The following FAM174A variants were observed in gnomAD, a reference collection of about 807,000 sequenced individuals.
FAM174A encodes the protein family with sequence similarity 174 member A, also known as membrane protein FAM174A.
A neutral mutation model predicts 14.3 loss-of-function variants in FAM174A; 14 were observed. The observed-to-expected ratio is 0.98, with a 90% CI of 0.65 to 1.53. The LOEUF (loss-of-function observed/expected upper bound fraction) is 1.53. FAM174A is among the 40% of genes most tolerant of loss of function. FAM174A has a pLI of 0.00. For missense variants in FAM174A, 241 were observed against 249.6 expected (o/e 0.97, Z 0.23); for synonymous variants, 108 against 111.4 (o/e 0.97, Z 0.19).
rs372584492 is a variant in FAM174A at position 100,562,043 on chromosome 5, C to T, written c.435-11C>T. ...AATAATTTTTATTCATTAATTTGTTCTATTTGATAGGATGAGAAGAAGAAA... is the reference window on the plus strand; with the variant it reads ...AATAATTTTTATTCATTAATTTGTTTTATTTGATAGGATGAGAAGAAGAAA... On this transcript the variant is annotated splice_polypyrimidine_tract_variant and intron_variant, in intron 1 of 2. Transcript: ENST00000312637. The T allele has an allele frequency of 8.1e-6, 12 of 1,480,338 alleles. No homozygotes were observed. The highest frequency in any genetic ancestry group is 1.3e-5 in the South Asian group (1 of 78,320). 91.7% of individuals were successfully genotyped at this position (1,480,338 alleles called of 1,614,324 possible).
rs1026346291 is a variant in FAM174A, at chr5:100,552,472, T to TA, written c.435-9572dup. ...TAATATTACCCTACAGATGCTTAGT[T>TA]AAAAAAAAAAGAAGAAGAGAAAAAA... On this transcript the variant is annotated intron_variant, in intron 1 of 2. Coordinates refer to ENST00000312637, the MANE Select transcript of FAM174A (RefSeq NM_198507.3). 4.1e-4 allele frequency among the ~76,000 whole-genome samples: 60 copies of TA among 147,328 alleles called. 1 individual carries two copies. Among genetic ancestry groups the TA allele is most frequent in the African/African-American group, 1.0e-3 (42 of 40,332 alleles).
At chr5:100,556,836 C>A (rs1580369049) in intron 1 of FAM174A, among the ~76,000 whole-genome samples, 1 of 152,030 alleles carries the variant, frequency 6.6e-6, no homozygotes, top group African/African-American at 2.4e-5. Flanking sequence ...CTTAAGGAGA[C>A]TTTGGGCTGA....
chr5:100,569,264 A>G (rs1746726005), intron 2 of FAM174A, among the ~76,000 whole-genome samples: 1 of 151,852 alleles, frequency 6.6e-6, no homozygotes, highest in Admixed American at 6.6e-5. Context: ...TCTATAAGTC[A>G]TGCCATATAT....
chr5:100,557,538 A>G (rs1284843659), intron 1 of FAM174A, among the ~76,000 whole-genome samples: 2 of 152,186 alleles, frequency 1.3e-5, no homozygotes, highest in Non-Finnish European at 2.9e-5. Flanking sequence ...TACCTCTGGT[A>G]GAATTCGGCT....
At chr5:100,581,031 C>T (rs995246756) in intron 2 of FAM174A, among the ~76,000 whole-genome samples, 1 of 152,092 alleles carries the variant, frequency 6.6e-6, no homozygotes, top group African/African-American at 2.4e-5. Flanking sequence ...CGGGTTCAAG[C>T]GATTCTTCTG....
chr5:100,552,135 G>T (rs1225541440), intron 1 of FAM174A, among the ~76,000 whole-genome samples: 1 of 152,050 alleles, frequency 6.6e-6, no homozygotes, highest in African/African-American at 2.4e-5. Context: ...TTGGTCAAAA[G>T]AATTTTTACT....
chr5:100,566,358 A>G (rs1447784811), intron 2 of FAM174A, among the ~76,000 whole-genome samples: 1 of 151,446 alleles, frequency 6.6e-6, no homozygotes, highest in Non-Finnish European at 1.5e-5. Flanking sequence ...CTAAATAGTC[A>G]AGCTTATAGT....
intron 1 of FAM174A, among the ~76,000 whole-genome samples, chr5:100,558,890 C>A (rs1422878874): frequency 6.6e-6 from 1 of 152,052 alleles, no homozygotes; most frequent in Non-Finnish European, 1.5e-5. Flanking sequence ...ACTCTTTATC[C>A]AATTTGCCAG....
At chr5:100,556,722 C>G (rs1286969299) in intron 1 of FAM174A, among the ~76,000 whole-genome samples, 2 of 152,136 alleles carry the variant, frequency 1.3e-5, no homozygotes, top group African/African-American at 4.8e-5. Flanking sequence ...TGGAAGTTCA[C>G]TCATGATTTG....
At chr5:100,573,932 A>G (rs943150041) in intron 2 of FAM174A, among the ~76,000 whole-genome samples, 1 of 152,074 alleles carries the variant, frequency 6.6e-6, no homozygotes, top group African/African-American at 2.4e-5. Context: ...CATATCTACA[A>G]CTATCTGATC....
chr5:100,546,367 G>A lies in FAM174A; in HGVS notation c.434+10403G>A, dbSNP rs1746164054. On this transcript the variant is annotated intron_variant, in intron 1 of 2. Coordinates refer to ENST00000312637, the MANE Select transcript of FAM174A (RefSeq NM_198507.3). The stretch of plus-strand genomic sequence containing the variant: ...TAGTCATGAGCCTACTATGGGAAGT[G>A]AGTAGGTACTATGTGTGGGGAGGCA... 2.0e-5 allele frequency among the ~76,000 whole-genome samples: 3 copies of A among 152,142 alleles called. No individual in the cohort carries two copies. In the South Asian group the frequency reaches 6.2e-4, roughly 32 times the overall value.
chr5:100,577,867 A>G (rs995754965), intron 2 of FAM174A, among the ~76,000 whole-genome samples: 1 of 152,104 alleles, frequency 6.6e-6, no homozygotes, highest in African/African-American at 2.4e-5. Context: ...TTTTCTGAAG[A>G]TTAAATTTGG....
chr5:100,551,284 C>G (rs1746257799), intron 1 of FAM174A, among the ~76,000 whole-genome samples: 1 of 152,156 alleles, frequency 6.6e-6, no homozygotes, highest in African/African-American at 2.4e-5. Context: ...CATCTTCCTG[C>G]TGTCACAGAT....
chr5:100,558,437 G>A (rs1378874044), intron 1 of FAM174A, among the ~76,000 whole-genome samples: 1 of 152,206 alleles, frequency 6.6e-6, no homozygotes. Context: ...GGAGAGTTCT[G>A]TAGATGTCTA....
At chr5:100,563,124 C>T (rs1746562091) in intron 2 of FAM174A, among the ~76,000 whole-genome samples, 1 of 151,826 alleles carries the variant, frequency 6.6e-6, no homozygotes, top group African/African-American at 2.4e-5. Flanking sequence ...TATGCACACA[C>T]ACAAAGGAAC....
chr5:100,539,763 A>G (rs917092191), intron 1 of FAM174A, among the ~76,000 whole-genome samples: 1 of 152,216 alleles, frequency 6.6e-6, no homozygotes, highest in Non-Finnish European at 1.5e-5. Flanking sequence ...CATTTAAAGT[A>G]ACCAATTTAA....
chr5:100,561,822 GAGAGA>G (rs1580371564), intron 1 of FAM174A, among the ~76,000 whole-genome samples: 1 of 151,860 alleles, frequency 6.6e-6, no homozygotes, highest in South Asian at 2.1e-4. Context: ...AGTTGACACA[GAGAGA>G]AGAGAGTATG....
chr5:100,538,776 C>T (rs1000907015), intron 1 of FAM174A, among the ~76,000 whole-genome samples: 17 of 151,718 alleles, frequency 1.1e-4, no homozygotes, highest in East Asian at 9.7e-4. Context: ...TGTTTACTGA[C>T]GGAACAAAGA....
chr5:100,579,059 T>C (rs1339157581), intron 2 of FAM174A, among the ~76,000 whole-genome samples: 2 of 152,240 alleles, frequency 1.3e-5, no homozygotes, highest in African/African-American at 2.4e-5. Context: ...CTTATGTTTG[T>C]TTTCATGTGA....
Sources: allele counts gnomAD v4.1 joint callset (sites outside exome capture counted in the v4.1 genomes callset), GRCh38; gene constraint gnomAD v4.1.1; transcripts MANE v1.5; gene names NCBI Gene and HGNC (gene_info 2026-07-23, HGNC 2026-07-21).